The following UBE2E2 variants were observed in gnomAD, a reference collection of about 807,000 sequenced individuals.
UBE2E2 encodes ubiquitin-conjugating enzyme E2 E2.
A neutral mutation model predicts 24.7 loss-of-function variants in UBE2E2; 6 were observed. That is an observed-to-expected ratio of 0.24 (90% CI 0.13 to 0.48). UBE2E2 has a LOEUF of 0.48. UBE2E2 is among the 20% of genes least tolerant of loss of function. The pLI is 0.99. For synonymous variants in UBE2E2, 104 were observed against 83.6 expected, an observed-to-expected ratio of 1.24 and a Z score of -1.33; for missense variants, 169 against 245.0, an observed-to-expected ratio of 0.69 and a Z score of 2.07.
intron 5 of UBE2E2, among the ~76,000 whole-genome samples, chr3:23,533,886 G>A (rs1006474262): frequency 1.3e-5 from 2 of 152,044 alleles, no homozygotes; most frequent in Non-Finnish European, 2.9e-5. Context: ...CCCCCAAAGT[G>A]CTGGGATTAC....
chr3:23,218,502 A>C (rs1195450101), intron 3 of UBE2E2, among the ~76,000 whole-genome samples: 1 of 152,054 alleles, frequency 6.6e-6, no homozygotes, highest in Non-Finnish European at 1.5e-5. Context: ...GTTTGAATTA[A>C]ACCTAACATC....
intron 1 of UBE2E2, among the ~76,000 whole-genome samples, chr3:23,206,486 A>C (rs1042585915): frequency 6.6e-6 from 1 of 152,220 alleles, no homozygotes; most frequent in African/African-American, 2.4e-5. Context: ...CTTCATTTAC[A>C]GAATAGGTAG....
At chr3:23,455,993 C>G (rs145357361) in intron 3 of UBE2E2, among the ~76,000 whole-genome samples, 2 of 152,226 alleles carry the variant, frequency 1.3e-5, no homozygotes, top group African/African-American at 4.8e-5. Flanking sequence ...TCAGTCCTCT[C>G]AAACTCTGCC....
intron 3 of UBE2E2, among the ~76,000 whole-genome samples, chr3:23,269,347 AT>A (rs1418227223): frequency 6.6e-6 from 1 of 152,216 alleles, no homozygotes; most frequent in East Asian, 1.9e-4. Context: ...AACTCAAAAA[AT>A]TTACAAGAGA....
intron 3 of UBE2E2, among the ~76,000 whole-genome samples, chr3:23,411,381 G>C (rs563670295): frequency 6.6e-6 from 1 of 152,136 alleles, no homozygotes; most frequent in East Asian, 1.9e-4. Flanking sequence ...TAGACTTTGG[G>C]GAGAAAAGCA....
chr3:23,395,611 A>T (rs1697055669), intron 3 of UBE2E2, among the ~76,000 whole-genome samples: 1 of 152,170 alleles, frequency 6.6e-6, no homozygotes, highest in Non-Finnish European at 1.5e-5. Flanking sequence ...TCTCTATCGA[A>T]TTCATATTTT....
chr3:23,441,441 A>G (rs537525036), intron 3 of UBE2E2, among the ~76,000 whole-genome samples: 2 of 148,772 alleles, frequency 1.3e-5, no homozygotes, highest in East Asian at 4.1e-4. Flanking sequence ...CGGGAGGCTG[A>G]GGCCAGGGAA....
chr3:23,355,106 A>G (rs1385886987), intron 3 of UBE2E2, among the ~76,000 whole-genome samples: 1 of 151,990 alleles, frequency 6.6e-6, no homozygotes, highest in African/African-American at 2.4e-5. Flanking sequence ...GGAAATCATC[A>G]TTCTCAGTAA....
intron 3 of UBE2E2, among the ~76,000 whole-genome samples, chr3:23,435,779 G>A (rs1698164877): frequency 1.3e-5 from 2 of 152,202 alleles, no homozygotes; most frequent in Admixed American, 6.5e-5. Flanking sequence ...AAGGTGGATG[G>A]TTTCGCTAGG....
intron 3 of UBE2E2, among the ~76,000 whole-genome samples, chr3:23,459,383 C>T (rs1370641005): frequency 1.3e-5 from 2 of 152,162 alleles, no homozygotes; most frequent in Admixed American, 1.3e-4. Context: ...GTTACTGATA[C>T]ATATAGTTGA....
At chr3:23,336,657 A>G (rs1684974578) in intron 3 of UBE2E2, among the ~76,000 whole-genome samples, 1 of 152,240 alleles carries the variant, frequency 6.6e-6, no homozygotes, top group South Asian at 2.1e-4. Context: ...CGTATCTCAA[A>G]GCAGTTGGAT....
At chr3:23,508,722 G>T (rs1328821925) in intron 4 of UBE2E2, among the ~76,000 whole-genome samples, 4 of 152,178 alleles carry the variant, frequency 2.6e-5, no homozygotes, top group African/African-American at 9.7e-5. Context: ...TCCTATCTCT[G>T]TGAATGTGAC....
intron 3 of UBE2E2, chr3:23,271,171 A>G (rs760331218): frequency 8.5e-5 from 35 of 409,500 alleles, no homozygotes; most frequent in Non-Finnish European, 1.6e-4. Context: ...TGTGTCTGGA[A>G]TTGGTGGGTT....
chr3:23,402,749 C>G (rs928285391), intron 3 of UBE2E2, among the ~76,000 whole-genome samples: 1 of 151,994 alleles, frequency 6.6e-6, no homozygotes, highest in African/African-American at 2.4e-5. Context: ...AGTACAAAGT[C>G]TCATTTTTAT....
At chr3:23,227,067 T>C (rs1050762999) in intron 3 of UBE2E2, among the ~76,000 whole-genome samples, 2 of 152,010 alleles carry the variant, frequency 1.3e-5, no homozygotes, top group African/African-American at 4.8e-5. Context: ...ATTAATGATG[T>C]CGAGGATGAC....
chr3:23,355,849 C>G (rs1695930912), intron 3 of UBE2E2, among the ~76,000 whole-genome samples: 1 of 152,150 alleles, frequency 6.6e-6, no homozygotes, highest in South Asian at 2.1e-4. Context: ...ATAAAGCAGT[C>G]TATGCAGTTC....
intron 3 of UBE2E2, among the ~76,000 whole-genome samples, chr3:23,439,442 A>G (rs538319055): frequency 6.6e-6 from 1 of 152,340 alleles, no homozygotes; most frequent in Admixed American, 6.5e-5. Flanking sequence ...TTGTTTTAGA[A>G]CTTCTTATGG....
At chr3:23,478,054 C>A (rs1431726939) in intron 3 of UBE2E2, among the ~76,000 whole-genome samples, 1 of 152,226 alleles carries the variant, frequency 6.6e-6, no homozygotes, top group Non-Finnish European at 1.5e-5. Context: ...ATAAATTACC[C>A]AATCTTGGAT....
intron 3 of UBE2E2, among the ~76,000 whole-genome samples, chr3:23,273,194 T>C (rs9840130): frequency 1.7e-4 from 26 of 152,182 alleles, no homozygotes; most frequent in African/African-American, 6.0e-4. Context: ...AGAAGCAATA[T>C]AGTAAATTCT....
Sources: allele counts gnomAD v4.1 joint callset (sites outside exome capture counted in the v4.1 genomes callset), GRCh38; gene constraint gnomAD v4.1.1; transcripts MANE v1.5; gene names NCBI Gene and HGNC (gene_info 2026-07-23, HGNC 2026-07-21).